PCLO: variants seen among roughly 807,000 people sequenced by gnomAD.
PCLO encodes piccolo presynaptic cytomatrix protein, also known as protein piccolo.
In PCLO, 82 loss-of-function variants were observed where a neutral mutation model predicts 427.5. The ratio of observed to expected loss-of-function variants is 0.19; its 90% CI spans 0.16 to 0.23. PCLO has a LOEUF of 0.23. Among genes scored for constraint, PCLO ranks in the 10% least tolerant of loss-of-function variants. The pLI is 1.00. For synonymous variants in PCLO, 2,357 were observed against 2,155.4 expected (o/e 1.09, Z -2.59); for missense variants, 6,239 against 6,115.9 (o/e 1.02, Z -0.67).
intron 22 of PCLO, among the ~76,000 whole-genome samples, chr7:82,797,489 G>C (rs7804206): frequency 0.36 from 54,774 of 151,960 alleles, 10,464 homozygotes; most frequent in African/African-American, 0.46. Flanking sequence ...TGATTTAAAT[G>C]TTAAAGAAAA....
intron 7 of PCLO, among the ~76,000 whole-genome samples, chr7:82,911,103 AAAGTAG>A (rs1794309729): frequency 6.6e-6 from 1 of 152,150 alleles, no homozygotes. Flanking sequence ...CTATAGAAAT[AAAGTAG>A]AAGTTCAACC....
intron 2 of PCLO, among the ~76,000 whole-genome samples, chr7:83,153,942 T>C (rs1189021576): frequency 6.6e-6 from 1 of 152,146 alleles, no homozygotes; most frequent in Non-Finnish European, 1.5e-5. Flanking sequence ...AAATGCTACA[T>C]TATTCCAGGC....
chr7:83,135,470 G>C lies in PCLO; in HGVS notation c.2080C>G (p.Leu694Val), dbSNP rs779398485. 8 of 1,613,780 alleles carry C rather than the reference G, an allele frequency of 5.0e-6. No homozygotes were observed. The highest frequency in any genetic ancestry group is 5.9e-6 in the Non-Finnish European group (7 of 1,179,866). Reference sequence around the variant, plus strand: ...TTTTTAGGCTCAGGTGCCTTGGAGAGATCCTGTTTTGGTGCAGCATCCTTC... The same window carrying C: ...TTTTTAGGCTCAGGTGCCTTGGAGACATCCTGTTTTGGTGCAGCATCCTTC... ...PKKDAAPKQD[L>V]SKAPEPKKPP... The change falls in exon 3 of 25, where the codon CTC (leucine) becomes GTC (valine). Residue 694 changes from leucine to valine, a missense_variant. Transcript: ENST00000333891.
Position 82,955,347 on chromosome 7 carries a change from C to G in PCLO, c.5606G>C (p.Gly1869Ala). ...YSPSIESDPEGFEISPEKIIE... is the reference protein window; with the variant it reads ...YSPSIESDPEAFEISPEKIIE... ...TATTTTTTCCGGGCTTATTTCAAAA[C>G]CTTCTGGGTCTGACTCTATGCTAGG... Residue 1869 changes from glycine to alanine, a missense_variant, in exon 5 of 25, where the codon GGT becomes GCT. Physicochemically the swap from Gly to Ala is moderately conservative, Grantham distance 60. Around this residue, in one of 5 missense-constraint regions of PCLO, gnomAD observed 4,677 missense variants for 4,468.4 expected, o/e 1.05. Coordinates refer to ENST00000333891, the MANE Select transcript of PCLO (RefSeq NM_033026.6). 1 of 1,613,684 alleles carries G rather than the reference C, an allele frequency of 6.2e-7. No individual in the cohort carries two copies. Among genetic ancestry groups the G allele is most frequent in the Admixed American group, 1.7e-5 (1 of 59,978 alleles).
chr7:83,057,959 C>G (rs1233295279), intron 3 of PCLO, among the ~76,000 whole-genome samples: 1 of 152,014 alleles, frequency 6.6e-6, no homozygotes, highest in Admixed American at 6.6e-5. Flanking sequence ...AATAGCCAAA[C>G]AGGATGGGAC....
chr7:82,955,298 T>TTCA lies in PCLO; in HGVS notation c.5654_5655insTGA (p.Lys1885delinsAsnGlu). 3 of 1,613,384 alleles carry TTCA rather than the reference T, an allele frequency of 1.9e-6. No individual in the cohort carries two copies. Among genetic ancestry groups the TTCA allele is most frequent in the Non-Finnish European group, 2.5e-6 (3 of 1,179,714 alleles). On this transcript the variant is annotated protein_altering_variant, in exon 5 of 25. Coordinates refer to ENST00000333891, the MANE Select transcript of PCLO (RefSeq NM_033026.6). ...AGTATAATGAAACAGCTGTGGGCAATTTATAAACTTTTTGTACTTCTATTA... is the reference window on the plus strand; with the variant it reads ...AGTATAATGAAACAGCTGTGGGCAATTCATTATAAACTTTTTGTACTTCTATTA...
chr7:83,099,689 C>T (rs1475138734), intron 3 of PCLO, among the ~76,000 whole-genome samples: 1 of 152,018 alleles, frequency 6.6e-6, no homozygotes, highest in Admixed American at 6.6e-5. Flanking sequence ...CTGCGTCTGG[C>T]CAAAATACAG....
chr7:83,105,647 C>G (rs1407362833), intron 3 of PCLO, among the ~76,000 whole-genome samples: 1 of 152,156 alleles, frequency 6.6e-6, no homozygotes, highest in Non-Finnish European at 1.5e-5. Flanking sequence ...CAGCAACAGC[C>G]ACTGGACACG....
intron 10 of PCLO, among the ~76,000 whole-genome samples, chr7:82,863,078 C>T (rs2115927177): frequency 6.6e-6 from 1 of 152,010 alleles, no homozygotes; most frequent in South Asian, 2.1e-4. Context: ...GTTTGTTTAT[C>T]TTTGCATGCC....
intron 3 of PCLO, among the ~76,000 whole-genome samples, chr7:83,044,798 A>G (rs190425670): frequency 1.4e-3 from 215 of 152,288 alleles, no homozygotes; most frequent in African/African-American, 4.9e-3. Context: ...TCGATATCTA[A>G]AATAATAATC....
chr7:82,826,434 T>A (rs1307221577), intron 18 of PCLO, among the ~76,000 whole-genome samples, 155 bp downstream of exon 18: 1 of 152,142 alleles, frequency 6.6e-6, no homozygotes, highest in African/African-American at 2.4e-5. Flanking sequence ...TTGGTATTAA[T>A]CTACTCAAAT....
intron 6 of PCLO, among the ~76,000 whole-genome samples, chr7:82,945,828 A>T (rs1374257384): frequency 1.3e-5 from 2 of 152,228 alleles, no homozygotes; most frequent in African/African-American, 4.8e-5. Context: ...TAATTGATGG[A>T]GATTTAAACT....
chr7:82,862,566 C>CAAAAAAAAAA (rs36075501), intron 10 of PCLO, among the ~76,000 whole-genome samples: 1 of 92,230 alleles, frequency 1.1e-5, no homozygotes, highest in Admixed American at 1.2e-4. Context: ...GACTCTGCCT[C>CAAAAAAAAAA]AAAAAAAAAA....
At chr7:83,023,305 C>T (rs1161144790) in intron 3 of PCLO, among the ~76,000 whole-genome samples, 1 of 152,080 alleles carries the variant, frequency 6.6e-6, no homozygotes, top group Non-Finnish European at 1.5e-5. Context: ...TCAAACATTA[C>T]AGAACTACTT....
chr7:83,089,209 A>T (rs1790316948), intron 3 of PCLO, among the ~76,000 whole-genome samples: 1 of 152,070 alleles, frequency 6.6e-6, no homozygotes, highest in Non-Finnish European at 1.5e-5. Flanking sequence ...AAAGGTTAGT[A>T]TTATTTTTAT....
intron 3 of PCLO, among the ~76,000 whole-genome samples, chr7:82,990,901 T>C (rs1218983670): frequency 6.6e-6 from 1 of 152,034 alleles, no homozygotes; most frequent in Admixed American, 6.6e-5. Flanking sequence ...ATAAAGCAAA[T>C]TATCAAACAA....
At chr7:82,938,387 T>G (rs745612183) in intron 6 of PCLO, among the ~76,000 whole-genome samples, 1 of 151,858 alleles carries the variant, frequency 6.6e-6, no homozygotes, top group Non-Finnish European at 1.5e-5. Context: ...CAACATTATA[T>G]TTTCTTGGTT....
At chr7:82,766,974 G>A (rs1790544176) in intron 22 of PCLO, among the ~76,000 whole-genome samples, 1 of 152,092 alleles carries the variant, frequency 6.6e-6, no homozygotes, top group Non-Finnish European at 1.5e-5. Context: ...AGGTGGTTGC[G>A]TTAATTGTGG....
rs763519116 is a variant in PCLO at position 82,955,571 on chromosome 7, T to C, written c.5382A>G (p.Glu1794=). The change falls in exon 5 of 25, where the codon GAA becomes GAG. Residue 1794 remains glutamate (E), a synonymous_variant. Transcript: ENST00000333891. ...ELLKEQEKQR[E]IEQQQRKSSS... is the part of the protein sequence containing the mutation. ...AACTCTTTCTTTGTTGCTGTTCTATTTCCCTCTGCTTTTCTTGCTCCTTTA... is the reference window on the plus strand; with the variant it reads ...AACTCTTTCTTTGTTGCTGTTCTATCTCCCTCTGCTTTTCTTGCTCCTTTA... The C allele has an allele frequency of 1.1e-5, 18 of 1,613,998 alleles. No homozygotes were observed. In the South Asian group the frequency reaches 1.9e-4, roughly 17 times the overall value.
Sources: gnomAD v4.1 joint callset for allele counts (sites outside exome capture counted in the v4.1 genomes callset) on GRCh38, gnomAD v4.1.1 for gene constraint, gnomAD v4.1.1 regional missense constraint, MANE v1.5 for transcripts, NCBI Gene and HGNC (gene_info 2026-07-23, HGNC 2026-07-21) for gene names.